Variants in TBC1D9 observed in about 807,000 individuals in gnomAD.
TBC1D9 encodes the protein TBC1 domain family member 9.
A neutral mutation model predicts 132.0 loss-of-function variants in TBC1D9; 63 were observed. The ratio of observed to expected loss-of-function variants is 0.48; its 90% CI spans 0.39 to 0.59. TBC1D9 has a LOEUF of 0.59. Among genes scored for constraint, TBC1D9 ranks in the 20% least tolerant of loss-of-function variants. The probability of loss-of-function intolerance (pLI) is 0.00; values close to 1 mark genes in which losing one functional copy is unlikely to be tolerated. For missense variants in TBC1D9, 1,261 were observed against 1,592.7 expected (o/e 0.79, Z 3.54); for synonymous variants, 610 against 609.9 (o/e 1.00, Z 0.00).
chr4:140,643,761 G>A (rs1160948785), intron 13 of TBC1D9: 3 of 1,063,974 alleles, frequency 2.8e-6, no homozygotes, highest in East Asian at 2.5e-5. Context: ...AGGCCCCTCC[G>A]CAAAGTCTGG....
In TBC1D9 at chr4:140,670,868, C is replaced by A. The variant is rs1296025295; in HGVS notation, c.1118G>T (p.Ser373Ile). 6.2e-7 allele frequency: 1 copy of A among 1,613,956 alleles called. No individual in the cohort carries two copies. ...SSVLPSPLSISTRNRMTFLFA... is the reference protein window; with the variant it reads ...SSVLPSPLSIITRNRMTFLFA... The stretch of plus-strand genomic sequence containing the variant: ...TAGGAAGGTCATCCTGTTTCGGGTG[C>A]TGATGGATAAGGGACTGGGGAGCAC... Residue 373 changes from serine to isoleucine, a missense_variant, in exon 7 of 21, where the codon AGC becomes ATC. Transcript: ENST00000442267.
intron 15 of TBC1D9, among the ~76,000 whole-genome samples, chr4:140,634,873 C>T (rs1350937085): frequency 6.6e-6 from 1 of 152,140 alleles, no homozygotes; most frequent in African/African-American, 2.4e-5. Context: ...CTCCGGCGAG[C>T]AGAATAGAGA....
In TBC1D9 at chr4:140,723,900, G is replaced by A. The variant is rs547729227; in HGVS notation, c.131-22286C>T. Among the ~76,000 whole-genome samples the A allele has an allele frequency of 4.3e-4, 65 of 152,192 alleles. 2 individuals are homozygous for A. The highest frequency in any genetic ancestry group is 1.5e-3 in the African/African-American group (62 of 41,536). ...TTGGACTACAGGCGTGAACCACCAT[G>A]CCTAGCTAATTTATTTTTATTTTAT... On this transcript the variant is annotated intron_variant, in intron 1 of 20. Transcript: ENST00000442267.
intron 13 of TBC1D9, among the ~76,000 whole-genome samples, chr4:140,652,454 C>G (rs1435002227): frequency 6.6e-6 from 1 of 152,134 alleles, no homozygotes; most frequent in Non-Finnish European, 1.5e-5. Flanking sequence ...TAGATGCCTT[C>G]CAAGTCAATT....
chr4:140,726,090 A>T (rs1244078002), intron 1 of TBC1D9, among the ~76,000 whole-genome samples: 1 of 152,062 alleles, frequency 6.6e-6, no homozygotes, highest in Non-Finnish European at 1.5e-5. Flanking sequence ...GGATTTCAAG[A>T]CCAGCCTGGC....
rs780834023 is a variant in TBC1D9 at position 140,622,717 on chromosome 4, G to A, written c.3279C>T (p.Gly1093=). 4.3e-6 allele frequency: 7 copies of A among 1,609,922 alleles called. No homozygotes were observed. The highest frequency in any genetic ancestry group is 1.3e-5 in the African/African-American group (1 of 74,936). The change falls in exon 21 of 21, where the codon GGC becomes GGT. Residue 1093 remains glycine (G), a synonymous_variant. Transcript: ENST00000442267. ...CTGGCCCTTTCTTGGGGAAGAGCACGCCTGGGATGCCCTGGTGGCAGGACG... is the reference window on the plus strand; with the variant it reads ...CTGGCCCTTTCTTGGGGAAGAGCACACCTGGGATGCCCTGGTGGCAGGACG... ...SGPSCHQGIP[G]VLFPKKGPGQ... is the part of the protein sequence containing the mutation.
intron 9 of TBC1D9, among the ~76,000 whole-genome samples, chr4:140,665,377 C>T (rs891799061): frequency 6.6e-6 from 1 of 151,988 alleles, no homozygotes; most frequent in African/African-American, 2.4e-5. Context: ...TGTTTAAAAA[C>T]TTTTACAACT....
In TBC1D9 at chr4:140,679,644, C is replaced by T; in HGVS notation, c.560G>A (p.Cys187Tyr). 2 of 1,613,558 alleles carry T rather than the reference C, an allele frequency of 1.2e-6. No individual in the cohort carries two copies. Among genetic ancestry groups the T allele is most frequent in the East Asian group, 4.5e-5 (2 of 44,852 alleles). ...GWMYLSINHL[C>Y]FYSFLMGREA... ...CCTTCCCATAAGAAAAGAATAAAAG[C>T]AAAGGTGGTTAATGCTGAGGTACAT... Residue 187 changes from cysteine (C) to tyrosine (Y), a missense_variant, in exon 4 of 21, where the codon TGC becomes TAC. Physicochemically the swap from Cys to Tyr is radical, Grantham distance 194 (BLOSUM62 -2). Transcript: ENST00000442267.
At chr4:140,657,301 T>C in intron 12 of TBC1D9, 75 bp from the exon 13 acceptor site, 1 of 1,538,474 alleles carries the variant, frequency 6.5e-7, no homozygotes, top group African/African-American at 1.4e-5. Flanking sequence ...AATCATTTTC[T>C]GCAAGTTCTA....
chr4:140,667,913 GT>G (rs1177526493), intron 9 of TBC1D9, among the ~76,000 whole-genome samples: 2 of 151,914 alleles, frequency 1.3e-5, no homozygotes, highest in Admixed American at 1.3e-4. Context: ...AGAGCTATAG[GT>G]TTTTTTAAAG....
intron 1 of TBC1D9, among the ~76,000 whole-genome samples, chr4:140,724,963 G>C (rs879512564): frequency 6.6e-6 from 1 of 152,126 alleles, no homozygotes; most frequent in African/African-American, 2.4e-5. Flanking sequence ...GTTTGTGAGC[G>C]TGCAACTTGG....
intron 1 of TBC1D9, among the ~76,000 whole-genome samples, chr4:140,716,791 T>TC (rs1005183805): frequency 2.3e-4 from 35 of 151,908 alleles, no homozygotes; most frequent in Non-Finnish European, 5.0e-4. Context: ...TACGTTTTTT[T>TC]CACCCTTAAT....
intron 1 of TBC1D9, among the ~76,000 whole-genome samples, chr4:140,748,713 T>C (rs1738877243): frequency 6.6e-6 from 1 of 152,132 alleles, no homozygotes; most frequent in Non-Finnish European, 1.5e-5. Flanking sequence ...AAAAATATCC[T>C]TCAAGAAAGA....
intron 1 of TBC1D9, among the ~76,000 whole-genome samples, chr4:140,726,044 T>C (rs1738496461): frequency 6.6e-6 from 1 of 152,104 alleles, no homozygotes; most frequent in South Asian, 2.1e-4. Flanking sequence ...AAGGCAGGTC[T>C]CCTGATCACC....
chr4:140,689,152 G>T (rs1737834152), intron 2 of TBC1D9, among the ~76,000 whole-genome samples: 2 of 152,128 alleles, frequency 1.3e-5, no homozygotes, highest in South Asian at 4.1e-4. Flanking sequence ...ATCTGTCCCT[G>T]CCTACATTGA....
At chr4:140,731,666 C>CAG in intron 1 of TBC1D9, among the ~76,000 whole-genome samples, 1 of 131,116 alleles carries the variant, frequency 7.6e-6, no homozygotes, top group East Asian at 2.2e-4. Context: ...TTTTAAAACA[C>CAG]ATACACACAC....
intron 6 of TBC1D9, among the ~76,000 whole-genome samples, chr4:140,675,306 A>G (rs1450321427): frequency 6.6e-6 from 1 of 152,152 alleles, no homozygotes; most frequent in East Asian, 1.9e-4. Flanking sequence ...GCCTAATTAA[A>G]AAAAAAGAAA....
At chr4:140,654,435 CAAAAGAA>C (rs1165906246) in intron 13 of TBC1D9, among the ~76,000 whole-genome samples, 1 of 95,458 alleles carries the variant, frequency 1.0e-5, no homozygotes, top group Non-Finnish European at 2.0e-5. Context: ...AGGCATCTAA[CAAAAGAA>C]AAAAGAAAAA....
In TBC1D9 at chr4:140,679,056, T is replaced by A. The variant is rs1409544547; in HGVS notation, c.737A>T (p.Glu246Val). The A allele has an allele frequency of 5.0e-6, 8 of 1,613,850 alleles. No individual in the cohort carries two copies. The highest frequency in any genetic ancestry group is 6.8e-6 in the Non-Finnish European group (8 of 1,179,864). Residue 246 changes from glutamate (E) to valine (V), a missense_variant, in exon 5 of 21, where the codon GAG becomes GTG. Transcript: ENST00000442267. ...LNINETFKLMEQLANIAMRQL... is the reference protein window; with the variant it reads ...LNINETFKLMVQLANIAMRQL... ...CCTCATGGCTATGTTGGCAAGCTGCTCCATTAACTTGAAGGTCTCGTTGAT... is the reference window on the plus strand; with the variant it reads ...CCTCATGGCTATGTTGGCAAGCTGCACCATTAACTTGAAGGTCTCGTTGAT...
Sources: gnomAD v4.1 joint callset for allele counts (sites outside exome capture counted in the v4.1 genomes callset) on GRCh38, gnomAD v4.1.1 for gene constraint, MANE v1.5 for transcripts, NCBI Gene and HGNC (gene_info 2026-07-23, HGNC 2026-07-21) for gene names.